The following CNTNAP2 variants were observed in gnomAD, a reference collection of about 807,000 sequenced individuals.
The protein encoded by CNTNAP2 is contactin associated protein 2.
In CNTNAP2, 98 loss-of-function variants were observed where a neutral mutation model predicts 155.2. That is an observed-to-expected ratio of 0.63 (90% CI 0.54 to 0.75). The LOEUF (loss-of-function observed/expected upper bound fraction) is 0.75. Among genes scored for constraint, CNTNAP2 ranks in the 30% least tolerant of loss-of-function variants. CNTNAP2 has a pLI of 0.00. For synonymous variants in CNTNAP2, 651 were observed against 631.2 expected (o/e 1.03, Z -0.47); for missense variants, 1,727 against 1,688.1 (o/e 1.02, Z -0.40).
intron 12 of CNTNAP2, among the ~76,000 whole-genome samples, chr7:147,596,493 G>T (rs970148934): frequency 1.3e-5 from 2 of 151,932 alleles, no homozygotes; most frequent in African/African-American, 2.4e-5. Flanking sequence ...CTTAAAACCT[G>T]TCGGTGCTTC....
chr7:146,710,983 A>C (rs1801056871), intron 1 of CNTNAP2, among the ~76,000 whole-genome samples: 1 of 151,848 alleles, frequency 6.6e-6, no homozygotes, highest in Non-Finnish European at 1.5e-5. Context: ...ACTGGGTTTG[A>C]TTGCTTACTA....
intron 2 of CNTNAP2, among the ~76,000 whole-genome samples, chr7:146,818,810 G>A (rs979435200): frequency 1.3e-5 from 2 of 151,874 alleles, no homozygotes; most frequent in Non-Finnish European, 2.9e-5. Flanking sequence ...TAAGAAAAAC[G>A]ATATCACAAA....
intron 1 of CNTNAP2, among the ~76,000 whole-genome samples, chr7:146,146,502 G>A (rs566956610): frequency 2.0e-5 from 3 of 152,020 alleles, no homozygotes; most frequent in South Asian, 2.1e-4. Context: ...GTCAAGATTT[G>A]CCACATTATT....
At chr7:146,133,794 C>A (rs1290582765) in intron 1 of CNTNAP2, among the ~76,000 whole-genome samples, 2 of 152,108 alleles carry the variant, frequency 1.3e-5, no homozygotes, top group Non-Finnish European at 2.9e-5. Context: ...GGTACCAGTA[C>A]CATGCTGTTT....
At chr7:146,901,507 C>G (rs1175206888) in intron 3 of CNTNAP2, among the ~76,000 whole-genome samples, 1 of 152,064 alleles carries the variant, frequency 6.6e-6, no homozygotes, top group African/African-American at 2.4e-5. Context: ...AATATATGTC[C>G]TAGAAAATGG....
At chr7:147,942,217 G>A (rs1045609302) in intron 14 of CNTNAP2, among the ~76,000 whole-genome samples, 1 of 152,020 alleles carries the variant, frequency 6.6e-6, no homozygotes, top group Admixed American at 6.6e-5. Context: ...TGCCCCATAC[G>A]GAAATCTGAT....
At chr7:148,213,532 G>A (rs1232222568) in intron 18 of CNTNAP2, among the ~76,000 whole-genome samples, 5 of 152,048 alleles carry the variant, frequency 3.3e-5, no homozygotes, top group Non-Finnish European at 7.4e-5. Flanking sequence ...CATCCTGCCT[G>A]CCCCACTGTG....
At chr7:148,250,235 C>T (rs926917418) in intron 20 of CNTNAP2, among the ~76,000 whole-genome samples, 22 of 152,190 alleles carry the variant, frequency 1.4e-4, no homozygotes, top group African/African-American at 2.7e-4. Flanking sequence ...CTACCCTGAC[C>T]GCCTTATTTA....
intron 10 of CNTNAP2, among the ~76,000 whole-genome samples, chr7:147,462,761 A>G (rs923609496): frequency 2.6e-5 from 4 of 152,128 alleles, no homozygotes; most frequent in Non-Finnish European, 4.4e-5. Context: ...TGTGTAATCA[A>G]TGGGATTTTT....
intron 1 of CNTNAP2, among the ~76,000 whole-genome samples, chr7:146,392,817 T>C (rs986763351): frequency 2.3e-5 from 3 of 127,970 alleles, no homozygotes; most frequent in African/African-American, 1.0e-4. Context: ...TGTGCCTTCA[T>C]ATAAAGACTC....
intron 1 of CNTNAP2, among the ~76,000 whole-genome samples, chr7:146,656,616 T>C (rs1036069777): frequency 2.0e-5 from 3 of 152,158 alleles, no homozygotes; most frequent in Non-Finnish European, 4.4e-5. Flanking sequence ...TGTGCCAATG[T>C]GAGAAAGAAA....
intron 10 of CNTNAP2, among the ~76,000 whole-genome samples, chr7:147,462,901 A>C (rs1322959028): frequency 6.6e-6 from 1 of 152,170 alleles, no homozygotes; most frequent in Non-Finnish European, 1.5e-5. Context: ...TATTCTAACA[A>C]GTGTATCGAG....
rs1000525628 is a variant in CNTNAP2 at position 146,689,213 on chromosome 7, T to C, written c.98-85058T>C. On this transcript the variant is annotated intron_variant, in intron 1 of 23. Transcript: ENST00000361727. Reference sequence around the variant, plus strand: ...CCTTGAGTAAATTACTCCATTTGGCTAATCCTTAGTTTCTTCTCTATGAGT... The same window carrying C: ...CCTTGAGTAAATTACTCCATTTGGCCAATCCTTAGTTTCTTCTCTATGAGT... 2.6e-5 allele frequency among the ~76,000 whole-genome samples: 4 copies of C among 152,102 alleles called. No individual in the cohort carries two copies. The East Asian group carries it at 7.7e-4, about 29-fold the overall frequency.
chr7:146,339,997 G>A (rs546766160), intron 1 of CNTNAP2, among the ~76,000 whole-genome samples: 1 of 151,640 alleles, frequency 6.6e-6, no homozygotes, highest in Non-Finnish European at 1.5e-5. Flanking sequence ...GTGAAACCCC[G>A]TCTCTACTAG....
chr7:147,873,001 A>G (rs900423655), intron 13 of CNTNAP2, among the ~76,000 whole-genome samples: 1 of 152,248 alleles, frequency 6.6e-6, no homozygotes, highest in African/African-American at 2.4e-5. Context: ...TGAACATTCA[A>G]TAAAGTAAAA....
At chr7:146,842,133 T>C (rs1183756244) in intron 3 of CNTNAP2, among the ~76,000 whole-genome samples, 1 of 152,076 alleles carries the variant, frequency 6.6e-6, no homozygotes, top group African/African-American at 2.4e-5. Context: ...GTGATCTACT[T>C]GCCTTGGCCT....
chr7:147,107,718 C>A (rs1228541456), intron 4 of CNTNAP2, among the ~76,000 whole-genome samples: 2 of 152,092 alleles, frequency 1.3e-5, no homozygotes, highest in East Asian at 1.9e-4. Flanking sequence ...TTCATTCTTA[C>A]ATCAAAGAAA....
intron 1 of CNTNAP2, among the ~76,000 whole-genome samples, chr7:146,540,553 C>A (rs1375350336): frequency 6.6e-6 from 1 of 152,082 alleles, no homozygotes; most frequent in African/African-American, 2.4e-5. Context: ...CCTCTAATTT[C>A]TTGGCTTCCA....
At chr7:146,292,180 C>A (rs1800439332) in intron 1 of CNTNAP2, among the ~76,000 whole-genome samples, 1 of 152,082 alleles carries the variant, frequency 6.6e-6, no homozygotes, top group Admixed American at 6.6e-5. Flanking sequence ...ACAGTGGATA[C>A]CACCTCACTC....
Sources: allele counts gnomAD v4.1 joint callset (sites outside exome capture counted in the v4.1 genomes callset), GRCh38; gene constraint gnomAD v4.1.1; transcripts MANE v1.5; gene names NCBI Gene and HGNC (gene_info 2026-07-23, HGNC 2026-07-21).